OMD: variants seen among roughly 807,000 people sequenced by gnomAD.
OMD encodes osteomodulin.
Under a neutral mutation model 31.2 loss-of-function variants are expected in OMD, and 19 were observed. The ratio of observed to expected loss-of-function variants is 0.61; its 90% CI spans 0.42 to 0.89. OMD has a LOEUF of 0.89. Ranked by LOEUF, OMD falls within the 40% of genes least tolerant of loss-of-function variation. The pLI, the probability that OMD is intolerant of heterozygous loss-of-function variation, is 0.00. For synonymous variants in OMD, 155 were observed against 166.4 expected, an observed-to-expected ratio of 0.93 and a Z score of 0.53; for missense variants, 448 against 490.8, an observed-to-expected ratio of 0.91 and a Z score of 0.82.
rs572054390 is a variant in OMD, at chr9:92,412,917, G to A, written c.*2235C>T. ...TGCAAATTTTGGTGTGAACATGTGT[G>A]TTCAGTTCTATTGGGTATATAGTTA... is the stretch of plus-strand genomic sequence containing the variant. On this transcript the variant is annotated 3_prime_UTR_variant, in exon 3 of 3. Transcript: ENST00000375550. Among the ~76,000 whole-genome samples the A allele has an allele frequency of 2.2e-4, 30 of 139,212 alleles. No homozygotes were observed. The highest frequency in any genetic ancestry group is 3.0e-4 in the Non-Finnish European group (20 of 65,778). The allele number at this position is 139,212 out of a possible 152,430, so 91.3% of individuals were successfully genotyped here. A position where few individuals can be genotyped will look rare whatever the true frequency, so the allele number is the denominator to read the frequency against.
chr9:92,416,132 C>G (rs1843605441), intron 2 of OMD, among the ~76,000 whole-genome samples: 1 of 141,014 alleles, frequency 7.1e-6, no homozygotes, highest in South Asian at 2.2e-4. Context: ...CAGAGTTTTG[C>G]TCTGTCATCC....
Position 92,417,225 on chromosome 9 carries a change from T to A in OMD, c.334A>T (p.Ile112Phe). Residue 112 changes from isoleucine (I) to phenylalanine (F), a missense_variant, in exon 2 of 3, where the codon ATC (isoleucine) becomes TTC (phenylalanine). By Grantham distance (21) the Ile-to-Phe change is conservative. Coordinates refer to ENST00000375550, the MANE Select transcript of OMD (RefSeq NM_005014.3). Reference sequence around the variant, plus strand: ...ATTTCTTTAAGATGAGTTGCATTGATGAATGAATTTGCAGTCACAGCCTCA... The same window carrying A: ...ATTTCTTTAAGATGAGTTGCATTGAAGAATGAATTTGCAGTCACAGCCTCA... ...EIEAVTANSF[I>F]NATHLKEINL... 1 of 1,614,092 alleles carries A rather than the reference T, an allele frequency of 6.2e-7. No homozygotes were observed. Among genetic ancestry groups the A allele is most frequent in the Non-Finnish European group, 8.5e-7 (1 of 1,179,982 alleles).
chr9:92,419,578 C>T (rs535975103), intron 1 of OMD, among the ~76,000 whole-genome samples: 3 of 152,228 alleles, frequency 2.0e-5, no homozygotes, highest in Admixed American at 6.5e-5. Context: ...GGATTACGGG[C>T]GTGAGCCACT....
Position 92,413,381 on chromosome 9 carries a change from T to C in OMD, c.*1771A>G, listed in dbSNP as rs1398944941. ...CAAAGGTGTATGAAGGCTCCAATTT[T>C]TCCACATCTTGCCAACACTTGTTAT... On this transcript the variant is annotated 3_prime_UTR_variant, in exon 3 of 3. Transcript: ENST00000375550. 6.6e-6 allele frequency among the ~76,000 whole-genome samples: 1 copy of C among 152,188 alleles called. No homozygotes were observed. Among genetic ancestry groups the C allele is most frequent in the Non-Finnish European group, 1.5e-5 (1 of 68,034 alleles).
At chr9:92,419,779 C>T (rs919461305) in intron 1 of OMD, among the ~76,000 whole-genome samples, 2 of 152,016 alleles carry the variant, frequency 1.3e-5, no homozygotes, top group African/African-American at 4.8e-5. Flanking sequence ...CTTTTCCCAC[C>T]CAGGGTTTCA....
rs1482854784 is a variant in OMD at position 92,412,437 on chromosome 9, C to G, written c.*2715G>C. Among the ~76,000 whole-genome samples the G allele has an allele frequency of 2.6e-5, 4 of 152,162 alleles. No individual in the cohort carries two copies. The highest frequency in any genetic ancestry group is 4.4e-5 in the Non-Finnish European group (3 of 68,018). ...AGTGTTTTTGCATTTGTACAACCAT[C>G]ACCACAGTCAATTTTGGAACATTTT... is the stretch of plus-strand genomic sequence containing the variant. On this transcript the variant is annotated 3_prime_UTR_variant, in exon 3 of 3. Coordinates refer to ENST00000375550, the MANE Select transcript of OMD (RefSeq NM_005014.3).
Position 92,417,272 on chromosome 9 carries a change from A to G in OMD, c.287T>C (p.Leu96Pro). ...IPNIPMHIQQLYLQFNEIEAV... is the reference protein window; with the variant it reads ...IPNIPMHIQQPYLQFNEIEAV... ...CTCAATTTCATTGAACTGAAGGTAG[A>G]GTTGCTGAATGTGCATCGGAATATT... The change falls in exon 2 of 3, where the codon CTC becomes CCC. Residue 96 changes from leucine (L) to proline (P), a missense_variant. Physicochemically the swap from Leu to Pro is moderately conservative, Grantham distance 98. Transcript: ENST00000375550. 1.2e-6 allele frequency: 2 copies of G among 1,614,112 alleles called. No individual in the cohort carries two copies. Among genetic ancestry groups the G allele is most frequent in the Admixed American group, 3.3e-5 (2 of 60,024 alleles).
chr9:92,423,819 G>A (rs1213485820), intron 1 of OMD, among the ~76,000 whole-genome samples: 5 of 152,098 alleles, frequency 3.3e-5, no homozygotes, highest in African/African-American at 1.2e-4. Flanking sequence ...GGAATCACTA[G>A]CATTGCTCAG....
At chr9:92,416,046 T>TATG (rs1202073989) in intron 2 of OMD, among the ~76,000 whole-genome samples, 339 of 100,366 alleles carry the variant, frequency 3.4e-3, no homozygotes, top group South Asian at 0.012. Context: ...AATAAATATA[T>TATG]TATATATGTG....
chr9:92,423,512 T>C (rs932602420), intron 1 of OMD, among the ~76,000 whole-genome samples: 4 of 152,182 alleles, frequency 2.6e-5, no homozygotes, highest in African/African-American at 9.7e-5. Flanking sequence ...AGAAAGCAAA[T>C]ATTAGCATAT....
At position 92,414,504 on chromosome 9, in the gene OMD, G is replaced by T. The variant is rs1263923606; in HGVS notation, c.*648C>A. 9.6e-6 allele frequency: 2 copies of T among 209,130 alleles called. No individual in the cohort carries two copies. Among genetic ancestry groups the T allele is most frequent in the Non-Finnish European group, 9.7e-6 (1 of 102,954 alleles). 13.0% of individuals were successfully genotyped at this position (209,130 alleles called of 1,614,324 possible). A position where few individuals can be genotyped will look rare whatever the true frequency, so the allele number is the denominator to read the frequency against. ...TACAGCTTTATAATTTTGTTGTTTT[G>T]GTATTCTGAGGCAAAAAGATTAGTT... On this transcript the variant is annotated 3_prime_UTR_variant, in exon 3 of 3. Transcript: ENST00000375550.
chr9:92,418,814 C>G (rs796667803), intron 1 of OMD, among the ~76,000 whole-genome samples: 9 of 152,238 alleles, frequency 5.9e-5, no homozygotes, highest in African/African-American at 2.2e-4. Flanking sequence ...ATCAAATTTT[C>G]CTCATGAAAC....
intron 1 of OMD, among the ~76,000 whole-genome samples, chr9:92,421,098 G>A (rs749540675): frequency 3.3e-5 from 5 of 152,072 alleles, no homozygotes; most frequent in African/African-American, 9.7e-5. Context: ...AGGCTGGAGC[G>A]CAGTGGTGCA....
At position 92,416,834 on chromosome 9, in the gene OMD, T is replaced by A. The variant is rs1377135825; in HGVS notation, c.725A>T (p.Asn242Ile). 8 of 1,613,794 alleles carry A rather than the reference T, an allele frequency of 5.0e-6. No individual in the cohort carries two copies. Among genetic ancestry groups the A allele is most frequent in the Non-Finnish European group, 6.8e-6 (8 of 1,179,772 alleles). ...PSSLMYLSLE[N>I]NSISSIPEKY... ...TTCGGGTATAGAAGAAATTGAATTATTTTCTAAAGACAGATACATAAGTGA... is the reference window on the plus strand; with the variant it reads ...TTCGGGTATAGAAGAAATTGAATTAATTTCTAAAGACAGATACATAAGTGA... The change falls in exon 2 of 3, where the codon AAT becomes ATT. Residue 242 changes from asparagine to isoleucine, a missense_variant. By Grantham distance (149) the Asn-to-Ile change is moderately radical (BLOSUM62 -3). Transcript: ENST00000375550.
Position 92,422,506 on chromosome 9 carries a change from G to A in OMD, c.-17+1696C>T, listed in dbSNP as rs10992332. 6.2e-4 allele frequency among the ~76,000 whole-genome samples: 95 copies of A among 152,314 alleles called. 1 individual carries two copies. The highest frequency in any genetic ancestry group is 2.3e-3 in the East Asian group (12 of 5,188). ...CCTTGAATCAAGACATGACTGGGGCGTCTCTGAAAATAAAGAGGTTTTTAA... is the reference window on the plus strand; with the variant it reads ...CCTTGAATCAAGACATGACTGGGGCATCTCTGAAAATAAAGAGGTTTTTAA... On this transcript the variant is annotated intron_variant, in intron 1 of 2. Coordinates refer to ENST00000375550, the MANE Select transcript of OMD (RefSeq NM_005014.3).
At chr9:92,423,567 A>AT (rs1217726574) in intron 1 of OMD, among the ~76,000 whole-genome samples, 1 of 152,082 alleles carries the variant, frequency 6.6e-6, no homozygotes, top group Admixed American at 6.6e-5. Context: ...ATTTTATAAA[A>AT]TTTTTTTGCT....
intron 1 of OMD, among the ~76,000 whole-genome samples, chr9:92,420,358 G>T (rs1203349925): frequency 1.3e-5 from 2 of 152,186 alleles, no homozygotes; most frequent in Admixed American, 1.3e-4. Context: ...TTTTGCACAT[G>T]CCCTAAACTT....
At position 92,420,669 on chromosome 9, in the gene OMD, G is replaced by A. The variant is rs117664619; in HGVS notation, c.-16-3095C>T. Among the ~76,000 whole-genome samples, 1,283 of 151,836 alleles carry A rather than the reference G, an allele frequency of 8.4e-3. 8 individuals carry two copies. The highest frequency in any genetic ancestry group is 0.012 in the Non-Finnish European group (822 of 67,954). ...TCTTTTTTTTAAGTCAAGAAAATAG[G>A]ATCAAGATATCATTTATTTCTATTT... On this transcript the variant is annotated intron_variant, in intron 1 of 2. Coordinates refer to ENST00000375550, the MANE Select transcript of OMD (RefSeq NM_005014.3).
At chr9:92,416,065 T>G (rs1564309086) in intron 2 of OMD, among the ~76,000 whole-genome samples, 1 of 97,974 alleles carries the variant, frequency 1.0e-5, no homozygotes, top group Non-Finnish European at 2.3e-5. Flanking sequence ...TGTGTATATA[T>G]ATATATTTAT....
Sources: allele counts gnomAD v4.1 joint callset (sites outside exome capture counted in the v4.1 genomes callset), GRCh38; gene constraint gnomAD v4.1.1; transcripts MANE v1.5; gene names NCBI Gene and HGNC (gene_info 2026-07-23, HGNC 2026-07-21).